The following ZNF850 variants were observed in gnomAD, a reference collection of about 807,000 sequenced individuals.
The protein encoded by ZNF850 is zinc finger protein 850.
In ZNF850, 2 loss-of-function variants were observed where a neutral mutation model predicts 11.9. The ratio of observed to expected loss-of-function variants is 0.17; its 90% confidence interval spans 0.07 to 0.53. The LOEUF (loss-of-function observed/expected upper bound fraction) is 0.53, where lower values mean the gene tolerates loss of function less well. Among genes scored for constraint, ZNF850 ranks in the 20% least tolerant of loss-of-function variants. The pLI is 0.94. For synonymous variants in ZNF850, 381 were observed against 443.0 expected, an observed-to-expected ratio of 0.86 and a Z score of 1.76; for missense variants, 1,014 against 1,316.4, an observed-to-expected ratio of 0.77 and a Z score of 3.55.
intron 4 of ZNF850, among the ~76,000 whole-genome samples, chr19:36,759,478 CA>C (rs2040505991): frequency 6.6e-6 from 1 of 151,532 alleles, no homozygotes; most frequent in South Asian, 2.1e-4. Flanking sequence ...GTCACAAAAA[CA>C]AAAAAAGAAG....
chr19:36,765,737 A>AC (rs927092105), intron 1 of ZNF850, among the ~76,000 whole-genome samples: 46 of 151,802 alleles, frequency 3.0e-4, no homozygotes, highest in African/African-American at 1.1e-3. Context: ...GGCATGTGCC[A>AC]CCACGCCTGG....
chr19:36,756,905 A>G (rs1237930657), intron 4 of ZNF850, among the ~76,000 whole-genome samples: 2 of 152,174 alleles, frequency 1.3e-5, no homozygotes, highest in African/African-American at 4.8e-5. Context: ...TGAGCCACCG[A>G]GCCTGGCCTG....
rs1227388566 is a variant in ZNF850, at chr19:36,748,380, T to C, written c.2660A>G (p.His887Arg). 5.1e-6 allele frequency: 8 copies of C among 1,561,446 alleles called. No homozygotes were observed. The highest frequency in any genetic ancestry group is 6.9e-6 in the Non-Finnish European group (8 of 1,155,178). Residue 887 changes from histidine to arginine, a missense_variant, in exon 5 of 5, where the codon CAT (histidine) becomes CGT (arginine). Physicochemically the swap from His to Arg is conservative, Grantham distance 29. Coordinates refer to ENST00000591344, the MANE Select transcript of ZNF850 (RefSeq NM_001193552.2). ...TTTCTCACCAGTGTGAATTCGCCGA[T>C]GTTGGATTATTGCTGAGCGAAAAGC... Reference protein sequence around the residue: ...SFAFRSAIIQHRRIHTGEKPY... With the variant: ...SFAFRSAIIQRRRIHTGEKPY...
intron 4 of ZNF850, 75 bp from the exon 5 acceptor site, chr19:36,750,879 G>A (rs2462576): frequency 0.41 from 563,891 of 1,377,930 alleles, 117,430 homozygotes; most frequent in Non-Finnish European, 0.43. Context: ...GGTAGAAAGG[G>A]GAGACAAACT....
At chr19:36,756,763 GC>G (rs1424093530) in intron 4 of ZNF850, among the ~76,000 whole-genome samples, 3 of 152,162 alleles carry the variant, frequency 2.0e-5, no homozygotes, top group African/African-American at 7.2e-5. Context: ...ACAGGTATGC[GC>G]CACCACGCCT....
intron 4 of ZNF850, among the ~76,000 whole-genome samples, chr19:36,754,271 A>G (rs1325816351): frequency 1.3e-5 from 2 of 152,130 alleles, no homozygotes; most frequent in African/African-American, 4.8e-5. Flanking sequence ...AGTGACTAAA[A>G]ACATGAGGAC....
In ZNF850 at chr19:36,749,612, G is replaced by A. The variant is rs1210400014; in HGVS notation, c.1428C>T (p.Pro476=). 1.3e-6 allele frequency: 2 copies of A among 1,551,000 alleles called. No individual in the cohort carries two copies. The highest frequency in any genetic ancestry group is 1.7e-6 in the Non-Finnish European group (2 of 1,152,618). Residue 476 remains proline, a synonymous_variant, in exon 5 of 5, where the codon CCC becomes CCT. Coordinates refer to ENST00000591344, the MANE Select transcript of ZNF850 (RefSeq NM_001193552.2). The part of the protein sequence containing the change: ...QHQRIHTGEK[P]YCCKECGKSF... ...ATTTTCCACATTCCTTACAACAATA[G>A]GGTTTCTCACCAGTGTGAATCCGCT...
intron 1 of ZNF850, among the ~76,000 whole-genome samples, chr19:36,769,260 T>C (rs1243636894): frequency 5.8e-5 from 2 of 34,264 alleles, no homozygotes; most frequent in South Asian, 1.1e-3. Flanking sequence ...TAAGACTGTC[T>C]CAAAAAAAAA....
chr19:36,750,605 A>C lies in ZNF850; in HGVS notation c.435T>G (p.Tyr145Ter). Reference sequence around the variant, plus strand: ...GTAGGCAGAAAGTTGGTGTTGTTTCATAAGTCATTATTGCTTTTTCCAAAT... The same window carrying C: ...GTAGGCAGAAAGTTGGTGTTGTTTCCTAAGTCATTATTGCTTTTTCCAAAT... Reference protein sequence around the residue: ...ERYLEKAIMTYETTPTFCLQT... With the variant: ...ERYLEKAIMT Residue 145 changes from tyrosine to a stop codon, truncating the protein, a stop_gained, in exon 5 of 5, where the codon TAT becomes TAG. Transcript: ENST00000591344. LOFTEE classifies it low-confidence loss of function (END_TRUNC). 1.3e-6 allele frequency: 2 copies of C among 1,536,136 alleles called. No individual in the cohort carries two copies. The highest frequency in any genetic ancestry group is 1.7e-6 in the Non-Finnish European group (2 of 1,146,916).
rs951170650 is a variant in ZNF850, at chr19:36,743,689, A to G, written c.*4078T>C. 9 of 152,214 alleles carry G rather than the reference A, an allele frequency of 5.9e-5. No homozygotes were observed. The highest frequency in any genetic ancestry group is 1.7e-4 in the African/African-American group (7 of 41,458). The allele number at this position is 152,214 out of a possible 1,614,324, so 9.4% of individuals were successfully genotyped here. On this transcript the variant is annotated 3_prime_UTR_variant, in exon 5 of 5. Transcript: ENST00000591344. The stretch of plus-strand genomic sequence containing the variant: ...ATATTATAAACAAAAGCCATTAAGT[A>G]TCTAGAAATAAGTAAAACAAGAAAT...
chr19:36,765,121 G>A (rs1196731753), intron 1 of ZNF850, among the ~76,000 whole-genome samples: 1 of 152,208 alleles, frequency 6.6e-6, no homozygotes, highest in Non-Finnish European at 1.5e-5. Context: ...TCTTAGGAGA[G>A]ATGAGTTCAG....
Position 36,749,298 on chromosome 19 carries a change from C to T in ZNF850, c.1742G>A (p.Arg581Gln), listed in dbSNP as rs760194887. 4.8e-5 allele frequency: 76 copies of T among 1,567,244 alleles called. No homozygotes were observed. Among genetic ancestry groups the T allele is most frequent in the African/African-American group, 8.2e-5 (6 of 73,414 alleles). ...ATAGGGTTTCTCACCAGTGTGAATTCGCTGATGTTGAATTAGTGCTGAGCG... is the reference window on the plus strand; with the variant it reads ...ATAGGGTTTCTCACCAGTGTGAATTTGCTGATGTTGAATTAGTGCTGAGCG... ...TSRSALIQHQ[R>Q]IHTGEKPYHC... Residue 581 changes from arginine (R) to glutamine (Q), a missense_variant, in exon 5 of 5, where the codon CGA becomes CAA. Arg to Gln is a conservative substitution (Grantham distance 43, BLOSUM62 1). Transcript: ENST00000591344.
At chr19:36,755,622 C>T (rs542109894) in intron 4 of ZNF850, among the ~76,000 whole-genome samples, 2 of 150,950 alleles carry the variant, frequency 1.3e-5, no homozygotes, top group Admixed American at 6.6e-5. Context: ...CCTCTGTGGA[C>T]GAAATCAACC....
chr19:36,749,450 C>A lies in ZNF850; in HGVS notation c.1590G>T (p.Glu530Asp). 1 of 1,551,148 alleles carries A rather than the reference C, an allele frequency of 6.4e-7. No individual in the cohort carries two copies. The highest frequency in any genetic ancestry group is 1.4e-5 in the African/African-American group (1 of 73,330). Residue 530 changes from glutamate to aspartate, a missense_variant, in exon 5 of 5, where the codon GAG (glutamate) becomes GAT (aspartate). Transcript: ENST00000591344. ...CACATTCCTTACAATGATAGGGTTT[C>A]TCACCAGTGTGAATTCGCTGATGTT... ...LLQHQRIHTG[E>D]KPYHCKECGK...
chr19:36,752,134 C>A (rs538866095), intron 4 of ZNF850, among the ~76,000 whole-genome samples: 12 of 152,170 alleles, frequency 7.9e-5, no homozygotes, highest in African/African-American at 2.6e-4. Context: ...TATAAGAGTG[C>A]AATCATGATT....
chr19:36,765,820 G>C (rs904413176), intron 1 of ZNF850, among the ~76,000 whole-genome samples: 1 of 152,054 alleles, frequency 6.6e-6, no homozygotes, highest in African/African-American at 2.4e-5. Context: ...CTGACCTCAG[G>C]TGATCGGCCC....
At position 36,748,530 on chromosome 19, in the gene ZNF850, C is replaced by T; in HGVS notation, c.2510G>A (p.Gly837Asp). Residue 837 changes from glycine (G) to aspartate (D), a missense_variant, in exon 5 of 5, where the codon GGT (glycine) becomes GAT (aspartate). By Grantham distance (94) the Gly-to-Asp change is moderately conservative. Around this residue, in one of 2 missense-constraint regions of ZNF850, gnomAD observed 835 missense variants for 1,022.0 expected, o/e 0.82. Transcript: ENST00000591344. Reference sequence around the variant, plus strand: ...TTCTTTACAACTGTAGCGTTTCTCACCAGTGTGAACTGGCCGATGTTGAAT... The same window carrying T: ...TTCTTTACAACTGTAGCGTTTCTCATCAGTGTGAACTGGCCGATGTTGAAT... Reference protein sequence around the residue: ...ALIQHRPVHTGEKRYSCKECG... With the variant: ...ALIQHRPVHTDEKRYSCKECG... 6.5e-7 allele frequency: 1 copy of T among 1,537,484 alleles called. No homozygotes were observed. Among genetic ancestry groups the T allele is most frequent in the Non-Finnish European group, 8.7e-7 (1 of 1,146,990 alleles).
At chr19:36,767,276 G>C (rs146675503) in intron 1 of ZNF850, among the ~76,000 whole-genome samples, 8 of 151,746 alleles carry the variant, frequency 5.3e-5, no homozygotes, top group Non-Finnish European at 1.2e-4. Context: ...ATACAAAAAA[G>C]TCGGGCACAG....
At chr19:36,768,996 C>T (rs1189068668) in intron 1 of ZNF850, among the ~76,000 whole-genome samples, 2 of 149,202 alleles carry the variant, frequency 1.3e-5, no homozygotes, top group African/African-American at 2.5e-5. Flanking sequence ...TGTGGTGGCT[C>T]ACACCTGTAA....
Sources: allele counts gnomAD v4.1 joint callset (sites outside exome capture counted in the v4.1 genomes callset), GRCh38; gene constraint gnomAD v4.1.1; regional missense constraint gnomAD v4.1.1; transcripts MANE v1.5; gene names NCBI Gene and HGNC (gene_info 2026-07-23, HGNC 2026-07-21).